PHC3: variants seen among roughly 807,000 people sequenced by gnomAD.
PHC3 encodes polyhomeotic homolog 3, also known as polyhomeotic-like protein 3.
PHC3 carries 13 observed loss-of-function variants against 107.4 expected under a neutral mutation model. The ratio of observed to expected loss-of-function variants is 0.12; its 90% CI spans 0.08 to 0.19. The LOEUF (loss-of-function observed/expected upper bound fraction) is 0.19. Ranked by LOEUF, PHC3 falls within the 10% of genes least tolerant of loss-of-function variation. The pLI, the probability that PHC3 is intolerant of heterozygous loss-of-function variation, is 1.00. For missense variants in PHC3, 992 were observed against 1,210.9 expected (o/e 0.82, Z 2.68); for synonymous variants, 456 against 427.4 (o/e 1.07, Z -0.83).
rs142975550 is a variant in PHC3 at position 170,162,356 on chromosome 3, T to C, written c.414+9017A>G. ...TCTAATACACATCATCAACTTAACA[T>C]GTCCAAAATCAAACTCCTAATTTTC... On this transcript the variant is annotated intron_variant, in intron 4 of 14. Transcript: ENST00000495893. Among the ~76,000 whole-genome samples the C allele has an allele frequency of 2.4e-3, 366 of 152,296 alleles. 3 individuals carry two copies. The highest frequency in any genetic ancestry group is 0.015 in the South Asian group (70 of 4,824).
At position 170,106,912 on chromosome 3, in the gene PHC3, C is replaced by G. The variant is rs1316649244; in HGVS notation, c.2388G>C (p.Lys796Asn). Residue 796 changes from lysine to asparagine, a missense_variant, in exon 12 of 15, where the codon AAG (lysine) becomes AAC (asparagine). By Grantham distance (94) the Lys-to-Asn change is moderately conservative (BLOSUM62 0). Transcript: ENST00000495893. ...TLEEMDSELL[K>N]CEFCGKMGYA... ...ATCCCATTTTCCCACAGAATTCACA[C>G]TTGAGCAACTCACTGTCCATTTCTT... 3 of 1,611,910 alleles carry G rather than the reference C, an allele frequency of 1.9e-6. No homozygotes were observed. The highest frequency in any genetic ancestry group is 1.7e-5 in the Admixed American group (1 of 59,464).
intron 5 of PHC3, 106 bp from the exon 6 acceptor site, chr3:170,145,627 C>A: frequency 1.5e-6 from 1 of 673,692 alleles, no homozygotes. Context: ...AAAGACAATG[C>A]AGTTTAGGAT....
rs1396017646 is a variant in PHC3, at chr3:170,174,928, T to C, written c.181-2216A>G. On this transcript the variant is annotated intron_variant, in intron 2 of 14. Coordinates refer to ENST00000495893, the MANE Select transcript of PHC3 (RefSeq NM_024947.4). ...AAAATTCTAAAAGCACTGGACTGTATACGGAAAAAAATTCTAAAATCAAAC... is the reference window on the plus strand; with the variant it reads ...AAAATTCTAAAAGCACTGGACTGTACACGGAAAAAAATTCTAAAATCAAAC... Among the ~76,000 whole-genome samples the C allele has an allele frequency of 2.6e-5, 4 of 152,328 alleles. No homozygotes were observed. The Middle Eastern group carries it at 0.01, about 389-fold the overall frequency.
At chr3:170,181,160 G>A (rs1731342590) in intron 1 of PHC3, among the ~76,000 whole-genome samples, 1 of 152,236 alleles carries the variant, frequency 6.6e-6, no homozygotes, top group Non-Finnish European at 1.5e-5. Flanking sequence ...AGCAGCCCCC[G>A]CCGCTCTCAG....
At chr3:170,138,508 G>T (rs1723500847) in intron 6 of PHC3, among the ~76,000 whole-genome samples, 1 of 151,930 alleles carries the variant, frequency 6.6e-6, no homozygotes, top group Admixed American at 6.6e-5. Flanking sequence ...TGGCCTATTT[G>T]GTGAAACACC....
At chr3:170,115,825 A>C (rs1305635995) in intron 10 of PHC3, among the ~76,000 whole-genome samples, 1 of 152,026 alleles carries the variant, frequency 6.6e-6, no homozygotes, top group Non-Finnish European at 1.5e-5. Flanking sequence ...CAGGGAAAAA[A>C]GACTGTTCCT....
chr3:170,145,558 A>ACT, intron 5 of PHC3, 37 bp from the exon 6 acceptor site: 1 of 1,460,706 alleles, frequency 6.8e-7, no homozygotes, highest in African/African-American at 1.4e-5. Flanking sequence ...ACCCTAAGAC[A>ACT]AAAGAACATG....
chr3:170,144,884 T>C (rs1724702289), intron 6 of PHC3, among the ~76,000 whole-genome samples: 1 of 152,198 alleles, frequency 6.6e-6, no homozygotes, highest in African/African-American at 2.4e-5. Flanking sequence ...TTTTTTTATT[T>C]TTAGTAAAGA....
chr3:170,178,985 T>G (rs1222952595), intron 1 of PHC3, 47 bp from the exon 2 acceptor site: 1 of 1,507,842 alleles, frequency 6.6e-7, no homozygotes, highest in Non-Finnish European at 9.1e-7. Flanking sequence ...CATTATCTTA[T>G]GAGCTTTAAA....
chr3:170,124,265 A>G (rs1421003757), intron 8 of PHC3, among the ~76,000 whole-genome samples: 1 of 152,262 alleles, frequency 6.6e-6, no homozygotes, highest in African/African-American at 2.4e-5. Context: ...AAAAATGATT[A>G]CTAAAAATAA....
At chr3:170,156,559 T>C (rs1030037354) in intron 4 of PHC3, among the ~76,000 whole-genome samples, 1 of 149,832 alleles carries the variant, frequency 6.7e-6, no homozygotes, top group African/African-American at 2.5e-5. Context: ...GACTTTTAAG[T>C]AGTAATAGCT....
chr3:170,139,981 T>G (rs572408651), intron 6 of PHC3, among the ~76,000 whole-genome samples: 1 of 152,196 alleles, frequency 6.6e-6, no homozygotes, highest in South Asian at 2.1e-4. Context: ...TGAGTTATTT[T>G]TGCTAATTTC....
At chr3:170,173,367 C>T (rs945125369) in intron 2 of PHC3, among the ~76,000 whole-genome samples, 3 of 152,166 alleles carry the variant, frequency 2.0e-5, no homozygotes, top group Non-Finnish European at 4.4e-5. Flanking sequence ...ACTACTACTA[C>T]CTGGGGAAAC....
At chr3:170,173,718 C>A (rs1729973555) in intron 2 of PHC3, among the ~76,000 whole-genome samples, 1 of 152,028 alleles carries the variant, frequency 6.6e-6, no homozygotes. Flanking sequence ...CAGTGGGTTA[C>A]AAAATAGTAT....
chr3:170,149,356 C>T, intron 4 of PHC3, 112 bp from the exon 5 acceptor site: 1 of 1,000,314 alleles, frequency 1.0e-6, no homozygotes, highest in Non-Finnish European at 1.4e-6. Context: ...GGCTAAGGAA[C>T]CCAAAGGAGA....
In PHC3 at chr3:170,177,623, T is replaced by C. The variant is rs568909124; in HGVS notation, c.180+1150A>G. Reference sequence around the variant, plus strand: ...CTCAAGTGATCCGCCAGCCTTGGTCTCCCAAAGCGCTGGGATTAGAAGTGT... The same window carrying C: ...CTCAAGTGATCCGCCAGCCTTGGTCCCCCAAAGCGCTGGGATTAGAAGTGT... On this transcript the variant is annotated intron_variant, in intron 2 of 14. Coordinates refer to ENST00000495893, the MANE Select transcript of PHC3 (RefSeq NM_024947.4). Among the ~76,000 whole-genome samples, 5 of 150,716 alleles carry C rather than the reference T, an allele frequency of 3.3e-5. No individual in the cohort carries two copies. In the East Asian group the frequency reaches 9.8e-4, roughly 29 times the overall value.
intron 4 of PHC3, among the ~76,000 whole-genome samples, chr3:170,159,323 A>G (rs903409432): frequency 6.6e-6 from 1 of 152,122 alleles, no homozygotes; most frequent in Non-Finnish European, 1.5e-5. Context: ...CCATAATAGA[A>G]AAACGGAATA....
At chr3:170,158,500 G>A (rs1396850922) in intron 4 of PHC3, among the ~76,000 whole-genome samples, 1 of 152,080 alleles carries the variant, frequency 6.6e-6, no homozygotes, top group East Asian at 1.9e-4. Flanking sequence ...TACTTGGGAG[G>A]CTGAGGCAGG....
At position 170,133,803 on chromosome 3, in the gene PHC3, G is replaced by A. The variant is rs79380167; in HGVS notation, c.919+2616C>T. 9.1e-3 allele frequency among the ~76,000 whole-genome samples: 1,382 copies of A among 152,254 alleles called. 17 individuals carry two copies. The highest frequency in any genetic ancestry group is 0.032 in the African/African-American group (1,320 of 41,546). ...TTATCACACTATTAATGAAAGAGGG[G>A]AGAATAAGCTGCAATTCAGAACCAG... On this transcript the variant is annotated intron_variant, in intron 7 of 14. Coordinates refer to ENST00000495893, the MANE Select transcript of PHC3 (RefSeq NM_024947.4).
Sources: allele counts gnomAD v4.1 joint callset (sites outside exome capture counted in the v4.1 genomes callset), GRCh38; gene constraint gnomAD v4.1.1; transcripts MANE v1.5; gene names NCBI Gene and HGNC (gene_info 2026-07-23, HGNC 2026-07-21).